Variants in E2F6 observed in about 807,000 individuals in gnomAD.
The protein encoded by E2F6 is E2F transcription factor 6, also known as transcription factor E2F6.
E2F6 carries 19 observed loss-of-function variants against 31.5 expected under a neutral mutation model. The observed-to-expected ratio is 0.60, with a 90% CI of 0.42 to 0.89. E2F6 has a LOEUF of 0.89. Among genes scored for constraint, E2F6 ranks in the 40% least tolerant of loss-of-function variants. E2F6 has a pLI of 0.00. For synonymous variants in E2F6, 121 were observed against 127.7 expected (o/e 0.95, Z 0.36); for missense variants, 269 against 341.6 (o/e 0.79, Z 1.67).
In E2F6 at chr2:11,445,794, T is replaced by C. The variant is rs1173053073; in HGVS notation, c.*683A>G. 6.6e-6 allele frequency: 1 copy of C among 151,726 alleles called. No homozygotes were observed. Among genetic ancestry groups the C allele is most frequent in the Non-Finnish European group, 1.5e-5 (1 of 67,904 alleles). The allele number at this position is 151,726 out of a possible 1,614,324, so 9.4% of individuals were successfully genotyped here. A position where few individuals can be genotyped will look rare whatever the true frequency, so the allele number is the denominator to read the frequency against. On this transcript the variant is annotated 3_prime_UTR_variant, in exon 7 of 7. Coordinates refer to ENST00000381525, the MANE Select transcript of E2F6 (RefSeq NM_198256.4). ...TTTAGCACTGAAAACCATATTAAAA[T>C]ACTTTAATTAAATCCACAAACATAA...
At chr2:11,452,835 T>G (rs1671157248) in intron 3 of E2F6, among the ~76,000 whole-genome samples, 1 of 152,232 alleles carries the variant, frequency 6.6e-6, no homozygotes, top group South Asian at 2.1e-4. Context: ...TGTTATTTAG[T>G]AAACATGCTC....
At chr2:11,463,958 G>GGGGGGGGGGGGGA (rs56958029) in intron 1 of E2F6, among the ~76,000 whole-genome samples, 1 of 106,358 alleles carries the variant, frequency 9.4e-6, no homozygotes, top group Non-Finnish European at 2.0e-5. Context: ...CGGGGGGGGG[G>GGGGGGGGGGGGGA]ACAAAAACAA....
intron 3 of E2F6, 113 bp from the exon 4 acceptor site, chr2:11,451,919 AT>A: frequency 9.9e-7 from 1 of 1,011,488 alleles, no homozygotes; most frequent in Non-Finnish European, 1.5e-6. Flanking sequence ...TTCCACAACA[AT>A]AGAAACTAGG....
At chr2:11,452,616 A>G (rs938324921) in intron 3 of E2F6, among the ~76,000 whole-genome samples, 1 of 152,114 alleles carries the variant, frequency 6.6e-6, no homozygotes, top group Non-Finnish European at 1.5e-5. Flanking sequence ...AAGAAAAAAA[A>G]AAAAAAGACA....
intron 2 of E2F6, among the ~76,000 whole-genome samples, chr2:11,454,028 A>C (rs796738611): frequency 5.3e-5 from 8 of 152,326 alleles, no homozygotes; most frequent in African/African-American, 1.9e-4. Context: ...GGAGGATTTG[A>C]AATATGCAAC....
intron 1 of E2F6, among the ~76,000 whole-genome samples, chr2:11,458,730 C>T (rs1211981770): frequency 6.6e-6 from 1 of 152,204 alleles, no homozygotes; most frequent in Non-Finnish European, 1.5e-5. Flanking sequence ...CAATGATTTC[C>T]TTATCATCTA....
intron 6 of E2F6, among the ~76,000 whole-genome samples, chr2:11,446,803 T>TC (rs948802250): frequency 1.3e-5 from 2 of 152,170 alleles, no homozygotes; most frequent in African/African-American, 4.8e-5. Context: ...CCGTCACGAC[T>TC]CCCCCAGTCT....
chr2:11,455,089 A>C (rs1395288179), intron 2 of E2F6, among the ~76,000 whole-genome samples: 1 of 152,212 alleles, frequency 6.6e-6, no homozygotes, highest in Non-Finnish European at 1.5e-5. Flanking sequence ...ATGTGCCGCT[A>C]AACTGCTCTG....
intron 2 of E2F6, among the ~76,000 whole-genome samples, chr2:11,454,058 G>A (rs1055177849): frequency 6.6e-6 from 1 of 152,008 alleles, no homozygotes; most frequent in Non-Finnish European, 1.5e-5. Flanking sequence ...CCGAACATGT[G>A]GACTTTCACA....
chr2:11,451,880 A>G lies in E2F6; in HGVS notation c.381-74T>C, dbSNP rs1217878645. ...AAGTAATTTCAAGTTAGGTTATTGG[A>G]ACTTCTCCAAATGTTTGCCATAAGT... On this transcript the variant is annotated intron_variant, in intron 3 of 6. Transcript: ENST00000381525. 9 of 1,395,694 alleles carry G rather than the reference A, an allele frequency of 6.4e-6. No homozygotes were observed. The East Asian group carries it at 2.0e-4, about 30-fold the overall frequency. The allele number at this position is 1,395,694 out of a possible 1,614,324, so 86.5% of individuals were successfully genotyped here.
rs780197924 is a variant in E2F6, at chr2:11,453,675, A to G, written c.287T>C (p.Leu96Pro). 1 of 1,614,176 alleles carries G rather than the reference A, an allele frequency of 6.2e-7. No homozygotes were observed. Among genetic ancestry groups the G allele is most frequent in the Admixed American group, 1.7e-5 (1 of 60,032 alleles). ...ATACACTCTCCGCTTTCGGACTCCCAGTTTCGTTGCAACCTTGTTTAAGTC... is the reference window on the plus strand; with the variant it reads ...ATACACTCTCCGCTTTCGGACTCCCGGTTTCGTTGCAACCTTGTTTAAGTC... ...ILDLNKVATK[L>P]GVRKRRVYDI... is the part of the protein sequence containing the mutation. Residue 96 changes from leucine (L) to proline (P), a missense_variant, in exon 3 of 7, where the codon CTG becomes CCG. Leu to Pro is a moderately conservative substitution (Grantham distance 98). Transcript: ENST00000381525.
chr2:11,446,483 G>A lies in E2F6; in HGVS notation c.840C>T (p.Ser280=), dbSNP rs778217325. The A allele has an allele frequency of 6.8e-6, 11 of 1,611,248 alleles. No individual in the cohort carries two copies. The highest frequency in any genetic ancestry group is 5.5e-5 in the South Asian group (5 of 90,646). The change falls in exon 7 of 7, where the codon AGC becomes AGT. Residue 280 remains serine, a synonymous_variant. Coordinates refer to ENST00000381525, the MANE Select transcript of E2F6 (RefSeq NM_198256.4). ...CATAAATTCTCAAATGCCATCAGTTGCTTACTTCAAGCAATTCTTCACTTT... is the reference window on the plus strand; with the variant it reads ...CATAAATTCTCAAATGCCATCAGTTACTTACTTCAAGCAATTCTTCACTTT... The part of the protein sequence containing the change: ...PQQSEELLEV[S]N
intron 3 of E2F6, among the ~76,000 whole-genome samples, 182 bp from the exon 4 acceptor site, chr2:11,451,988 T>C (rs1319022588): frequency 2.6e-5 from 4 of 152,234 alleles, no homozygotes; most frequent in Admixed American, 6.5e-5. Context: ...TGTACATAAA[T>C]TATTTATAGT....
rs554030188 is a variant in E2F6, at chr2:11,447,696, T to G, written c.730A>C (p.Ser244Arg). ...CCGACACCTTCAGACCTTTTGTTACTGGTCTGACCCTGCTCCACTTCACAC... is the reference window on the plus strand; with the variant it reads ...CCGACACCTTCAGACCTTTTGTTACGGGTCTGACCCTGCTCCACTTCACAC... ...YLCEVEQGQTSNKRSEGVGTS... is the reference protein window; with the variant it reads ...YLCEVEQGQTRNKRSEGVGTS... The change falls in exon 6 of 7, where the codon AGT becomes CGT. Residue 244 changes from serine to arginine, a missense_variant. By Grantham distance (110) the Ser-to-Arg change is moderately radical. Coordinates refer to ENST00000381525, the MANE Select transcript of E2F6 (RefSeq NM_198256.4). 1.2e-6 allele frequency: 2 copies of G among 1,612,136 alleles called. No individual in the cohort carries two copies. The highest frequency in any genetic ancestry group is 2.2e-5 in the South Asian group (2 of 91,000).
intron 1 of E2F6, among the ~76,000 whole-genome samples, chr2:11,461,601 C>T (rs1418404049): frequency 6.6e-6 from 1 of 152,210 alleles, no homozygotes; most frequent in African/African-American, 2.4e-5. Context: ...GATCCACCCG[C>T]CTCAGCCTCC....
At chr2:11,465,678 C>A (rs1162197064) in intron 1 of E2F6, 94 bp downstream of exon 1, 3 of 1,348,160 alleles carry the variant, frequency 2.2e-6, no homozygotes, top group Non-Finnish European at 3.1e-6. Flanking sequence ...AGCAGACGAC[C>A]CAGACGACGG....
chr2:11,446,595 T>A, intron 6 of E2F6, 72 bp from the exon 7 acceptor site: 1 of 1,278,622 alleles, frequency 7.8e-7, no homozygotes, highest in Non-Finnish European at 1.1e-6. Flanking sequence ...GGCAAATACG[T>A]AAAAGAATAC....
chr2:11,455,031 G>C (rs141522078), intron 2 of E2F6, among the ~76,000 whole-genome samples: 3 of 152,050 alleles, frequency 2.0e-5, no homozygotes, highest in African/African-American at 7.2e-5. Context: ...TTTTTGTTGC[G>C]AAACTACTGT....
chr2:11,463,552 C>T (rs924345393), intron 1 of E2F6, among the ~76,000 whole-genome samples: 8 of 152,176 alleles, frequency 5.3e-5, no homozygotes, highest in Non-Finnish European at 2.9e-5. Flanking sequence ...GCCCCAATCC[C>T]TGAGTCGTTC....
Sources: gnomAD v4.1 joint callset for allele counts (sites outside exome capture counted in the v4.1 genomes callset) on GRCh38, gnomAD v4.1.1 for gene constraint, MANE v1.5 for transcripts, NCBI Gene and HGNC (gene_info 2026-07-23, HGNC 2026-07-21) for gene names.